DPYD: variants seen among roughly 807,000 people sequenced by gnomAD.
The protein encoded by DPYD is dihydropyrimidine dehydrogenase [NADP(+)].
Under a neutral mutation model 116.2 loss-of-function variants are expected in DPYD, and 109 were observed. That is an observed-to-expected ratio of 0.94 (90% CI 0.80 to 1.10). The LOEUF is 1.10. DPYD is among the 50% of genes least tolerant of loss of function. DPYD has a pLI of 0.00. For missense variants in DPYD, 1,302 were observed against 1,254.5 expected, an observed-to-expected ratio of 1.04 and a Z score of -0.57; for synonymous variants, 440 against 432.0, an observed-to-expected ratio of 1.02 and a Z score of -0.23.
At chr1:97,120,913 G>A (rs1652378567) in intron 20 of DPYD, among the ~76,000 whole-genome samples, 3 of 152,152 alleles carry the variant, frequency 2.0e-5, no homozygotes, top group Admixed American at 1.3e-4. Context: ...ATGTATTAAT[G>A]GTGATGCCTG....
At chr1:97,478,442 C>T (rs1291743520) in intron 13 of DPYD, among the ~76,000 whole-genome samples, 1 of 152,104 alleles carries the variant, frequency 6.6e-6, no homozygotes, top group Non-Finnish European at 1.5e-5. Flanking sequence ...CATGCATCAC[C>T]ATGCCCAGCT....
At chr1:97,376,887 G>GTATATATATATA (rs1553166538) in intron 15 of DPYD, among the ~76,000 whole-genome samples, 2 of 128,406 alleles carry the variant, frequency 1.6e-5, no homozygotes, top group African/African-American at 5.7e-5. Flanking sequence ...GTGTGTGTGT[G>GTATATATATATA]TATATATATA....
chr1:97,608,876 G>T (rs1655765229), intron 8 of DPYD, among the ~76,000 whole-genome samples: 1 of 151,754 alleles, frequency 6.6e-6, no homozygotes, highest in Admixed American at 6.6e-5. Flanking sequence ...ATTAATTAGG[G>T]AGATCAAATA....
chr1:97,520,519 C>T (rs777192691), intron 12 of DPYD, among the ~76,000 whole-genome samples: 3 of 152,058 alleles, frequency 2.0e-5, no homozygotes, highest in Non-Finnish European at 4.4e-5. Context: ...TTCTGGGATA[C>T]ATGTGCACAA....
At chr1:97,751,562 C>T (rs1460295926) in intron 3 of DPYD, among the ~76,000 whole-genome samples, 1 of 140,924 alleles carries the variant, frequency 7.1e-6, no homozygotes, top group African/African-American at 2.6e-5. Context: ...GCCTGGGTTC[C>T]ATATCAGCCT....
At chr1:97,729,013 CATATCTTAG>C (rs1462474381) in intron 4 of DPYD, among the ~76,000 whole-genome samples, 2 of 152,102 alleles carry the variant, frequency 1.3e-5, no homozygotes, top group East Asian at 3.9e-4. Context: ...ATTCTCTTTT[CATATCTTAG>C]ATATACCACA....
At chr1:97,467,113 G>A (rs909472698) in intron 13 of DPYD, among the ~76,000 whole-genome samples, 3 of 152,286 alleles carry the variant, frequency 2.0e-5, no homozygotes, top group Non-Finnish European at 2.9e-5. Context: ...AGGATGTTTC[G>A]TTCTCTCATA....
At chr1:97,717,310 A>T (rs1345662841) in intron 5 of DPYD, among the ~76,000 whole-genome samples, 1 of 151,880 alleles carries the variant, frequency 6.6e-6, no homozygotes, top group African/African-American at 2.4e-5. Context: ...AAAGTAAAAT[A>T]AAAAAAATGT....
intron 2 of DPYD, among the ~76,000 whole-genome samples, chr1:97,868,267 C>T (rs779961079): frequency 7.9e-5 from 12 of 151,562 alleles, no homozygotes; most frequent in Non-Finnish European, 1.0e-4. Context: ...ATGGAGTCAA[C>T]GGCATTAAAT....
chr1:97,883,440 T>C (rs1486583172), intron 1 of DPYD, 66 bp from the exon 2 acceptor site: 4 of 1,180,398 alleles, frequency 3.4e-6, no homozygotes, highest in Non-Finnish European at 5.0e-6. Context: ...AACTTATTTT[T>C]ATTTTATTTT....
intron 14 of DPYD, among the ~76,000 whole-genome samples, chr1:97,420,997 C>A (rs1674552571): frequency 6.6e-6 from 1 of 152,162 alleles, no homozygotes; most frequent in South Asian, 2.1e-4. Flanking sequence ...AGCACTGTGA[C>A]AGCAGGGGTT....
intron 4 of DPYD, among the ~76,000 whole-genome samples, chr1:97,735,129 C>T (rs973575976): frequency 6.6e-6 from 1 of 152,080 alleles, no homozygotes; most frequent in Non-Finnish European, 1.5e-5. Flanking sequence ...GCGGTAAAGC[C>T]ACTGCCTGAG....
At chr1:97,114,511 T>A (rs1213282426) in intron 20 of DPYD, among the ~76,000 whole-genome samples, 1 of 152,176 alleles carries the variant, frequency 6.6e-6, no homozygotes, top group African/African-American at 2.4e-5. Flanking sequence ...TGAATGTCTT[T>A]GCATGAGTTA....
chr1:97,642,656 T>G (rs1041205580), intron 8 of DPYD, among the ~76,000 whole-genome samples: 12 of 142,726 alleles, frequency 8.4e-5, no homozygotes, highest in Middle Eastern at 3.9e-3. Flanking sequence ...CCGCATGTTC[T>G]CACTCATAGG....
rs544089611 is a variant in DPYD at position 97,111,584 on chromosome 1, T to A, written c.2623-12952A>T. On this transcript the variant is annotated intron_variant, in intron 20 of 22. Coordinates refer to ENST00000370192, the MANE Select transcript of DPYD (RefSeq NM_000110.4). ...ATGTCACCTCCTCAGAGAGGCACTC[T>A]CGGACCACCCAATCTAGAGTAGGCC... Among the ~76,000 whole-genome samples the A allele has an allele frequency of 1.9e-4, 29 of 152,180 alleles. 1 individual carries two copies. Among genetic ancestry groups the A allele is most frequent in the African/African-American group, 6.5e-4 (27 of 41,552 alleles).
At chr1:97,160,997 A>G (rs1418100878) in intron 20 of DPYD, among the ~76,000 whole-genome samples, 1 of 152,066 alleles carries the variant, frequency 6.6e-6, no homozygotes, top group Non-Finnish European at 1.5e-5. Flanking sequence ...CTCATCCCCA[A>G]CCATAGCAAA....
intron 20 of DPYD, among the ~76,000 whole-genome samples, chr1:97,188,744 T>C (rs2101814697): frequency 1.3e-5 from 2 of 152,296 alleles, no homozygotes; most frequent in South Asian, 2.1e-4. Context: ...TCAGCTACCA[T>C]GCCATTACTC....
intron 3 of DPYD, among the ~76,000 whole-genome samples, chr1:97,800,876 A>G (rs1222959162): frequency 6.6e-6 from 1 of 151,866 alleles, no homozygotes; most frequent in Non-Finnish European, 1.5e-5. Flanking sequence ...ATACCATTTA[A>G]TTATTTTTGA....
At chr1:97,626,714 A>G (rs1656953515) in intron 8 of DPYD, among the ~76,000 whole-genome samples, 1 of 152,094 alleles carries the variant, frequency 6.6e-6, no homozygotes, top group Admixed American at 6.6e-5. Context: ...TAGCCTGACC[A>G]TTATAAAAAT....
Sources: allele counts gnomAD v4.1 joint callset (sites outside exome capture counted in the v4.1 genomes callset), GRCh38; gene constraint gnomAD v4.1.1; transcripts MANE v1.5; gene names NCBI Gene and HGNC (gene_info 2026-07-23, HGNC 2026-07-21).